Variants in PPP1R13L observed in about 807,000 individuals in gnomAD.
PPP1R13L encodes relA-associated inhibitor.
In PPP1R13L, 50 loss-of-function variants were observed where a neutral mutation model predicts 80.9. That is an observed-to-expected ratio of 0.62 (90% confidence interval 0.49 to 0.78). PPP1R13L has a LOEUF of 0.78. Ranked by LOEUF, PPP1R13L falls within the 30% of genes least tolerant of loss-of-function variation. PPP1R13L has a pLI of 0.00. For synonymous variants in PPP1R13L, 602 were observed against 534.3 expected (o/e 1.13, Z -1.75); for missense variants, 1,200 against 1,205.9 (o/e 1.00, Z 0.07).
At chr19:45,400,158 G>A (rs1300380964) in intron 1 of PPP1R13L, among the ~76,000 whole-genome samples, 1 of 151,924 alleles carries the variant, frequency 6.6e-6, no homozygotes, top group African/African-American at 2.4e-5. Context: ...CCAGATTAGA[G>A]GGGTCCTAGA....
At chr19:45,399,541 G>A (rs1207982423) in intron 1 of PPP1R13L, among the ~76,000 whole-genome samples, 1 of 150,502 alleles carries the variant, frequency 6.6e-6, no homozygotes, top group Non-Finnish European at 1.5e-5. Flanking sequence ...GGAGAACGGC[G>A]TGAACCCGGG....
In PPP1R13L at chr19:45,405,028, C is replaced by G. The variant is rs1030845365; in HGVS notation, c.-51G>C. The stretch of plus-strand genomic sequence containing the variant: ...CCGGGCAGATCCTGGCACCTGGGGG[C>G]TTCCTCCAGCTCGGGCTCCGGCTTG... On this transcript the variant is annotated 5_prime_UTR_variant, in exon 1 of 13. Coordinates refer to ENST00000360957, the MANE Select transcript of PPP1R13L (RefSeq NM_006663.4). 14 of 985,898 alleles carry G rather than the reference C, an allele frequency of 1.4e-5. No individual in the cohort carries two copies. The highest frequency in any genetic ancestry group is 1.7e-5 in the Non-Finnish European group (14 of 830,116). 61.1% of individuals were successfully genotyped at this position (985,898 alleles called of 1,614,324 possible). A position where few individuals can be genotyped will look rare whatever the true frequency, so the allele number is the denominator to read the frequency against.
chr19:45,395,913 A>C, intron 6 of PPP1R13L, 27 bp from the exon 7 acceptor site: 2 of 1,536,516 alleles, frequency 1.3e-6, no homozygotes, highest in Non-Finnish European at 1.8e-6. Flanking sequence ...GGAGAAGGGG[A>C]TCGGGTGAGA....
Position 45,396,172 on chromosome 19 carries a change from C to T in PPP1R13L, c.899G>A (p.Gly300Asp). 6.2e-7 allele frequency: 1 copy of T among 1,606,706 alleles called. No individual in the cohort carries two copies. Among genetic ancestry groups the T allele is most frequent in the Non-Finnish European group, 8.5e-7 (1 of 1,177,750 alleles). ...CCCCAGGCGTCGCCTCCTCACCTTG[C>T]CGGTGCCCCCCAGTCCATCCAGGCT... ...ESSLDGLGGT[G>D]KDNLTSATLP... Residue 300 changes from glycine (G) to aspartate (D), a missense_variant, in exon 6 of 13, where the codon GGC (glycine) becomes GAC (aspartate). Around this residue, in one of 5 missense-constraint regions of PPP1R13L, gnomAD observed 764 missense variants for 714.5 expected, o/e 1.07. Transcript: ENST00000360957. The surrounding 1 kb of genome is among the most constrained non-coding windows in gnomAD (Gnocchi z 5.3).
upstream of PPP1R13L, among the ~76,000 whole-genome samples, chr19:45,405,424 G>C (rs1568565450): frequency 6.6e-6 from 1 of 152,162 alleles, no homozygotes. Context: ...TCTCCCCGTC[G>C]ATAAAAAGCG....
At position 45,382,655 on chromosome 19, in the gene PPP1R13L, C is replaced by G. The variant is rs745772568; in HGVS notation, c.2320G>C (p.Gly774Arg). Residue 774 changes from glycine to arginine, a missense_variant, in exon 12 of 13, where the codon GGG becomes CGG. By Grantham distance (125) the Gly-to-Arg change is moderately radical. Coordinates refer to ENST00000360957, the MANE Select transcript of PPP1R13L (RefSeq NM_006663.4). Reference sequence around the variant, plus strand: ...CCCTCGCGGAAGGACAGCTCGTCCCCGAACTCGGCGCTGTAGTCCCAGAGA... The same window carrying G: ...CCCTCGCGGAAGGACAGCTCGTCCCGGAACTCGGCGCTGTAGTCCCAGAGA... ...YALWDYSAEF[G>R]DELSFREGES... 102 of 1,613,858 alleles carry G rather than the reference C, an allele frequency of 6.3e-5. No homozygotes were observed. The highest frequency in any genetic ancestry group is 8.0e-5 in the Non-Finnish European group (94 of 1,180,048).
At chr19:45,402,734 C>T (rs1412133658) in intron 1 of PPP1R13L, among the ~76,000 whole-genome samples, 2 of 152,220 alleles carry the variant, frequency 1.3e-5, no homozygotes, top group Non-Finnish European at 2.9e-5. Context: ...GCTCTAGCTC[C>T]GAGCTCTCCC....
Position 45,396,823 on chromosome 19 carries a change from G to A in PPP1R13L, c.434C>T (p.Ala145Val). 6.8e-7 allele frequency: 1 copy of A among 1,466,004 alleles called. No homozygotes were observed. Among genetic ancestry groups the A allele is most frequent in the East Asian group, 2.9e-5 (1 of 34,912 alleles). The allele number at this position is 1,466,004 out of a possible 1,614,324, so 90.8% of individuals were successfully genotyped here. A position where few individuals can be genotyped will look rare whatever the true frequency, so the allele number is the denominator to read the frequency against. The change falls in exon 4 of 13, where the codon GCC becomes GTC. Residue 145 changes from alanine to valine, a missense_variant. Ala to Val is a moderately conservative substitution (Grantham distance 64). Coordinates refer to ENST00000360957, the MANE Select transcript of PPP1R13L (RefSeq NM_006663.4). This position sits in a 1 kb window ranked among gnomAD's most constrained non-coding sequence, Gnocchi z 5.3. Reference sequence around the variant, plus strand: ...GAGGGAGCTGCCTGCGCCATCGAAGGCGCGGGGCCGGGGCGAGGTCGCGCG... The same window carrying A: ...GAGGGAGCTGCCTGCGCCATCGAAGACGCGGGGCCGGGGCGAGGTCGCGCG... Reference protein sequence around the residue: ...LDRATSPRPRAFDGAGSSLGR... With the variant: ...LDRATSPRPRVFDGAGSSLGR...
intron 1 of PPP1R13L, chr19:45,402,203 T>A (rs1006885589): frequency 6.6e-6 from 1 of 152,238 alleles, no homozygotes; most frequent in Admixed American, 6.5e-5. Context: ...AATAGATAAA[T>A]GAGCAAGTCT....
At chr19:45,385,491 G>A (rs1417424487) in intron 11 of PPP1R13L, 71 bp downstream of exon 11, 6 of 1,452,024 alleles carry the variant, frequency 4.1e-6, no homozygotes, top group Non-Finnish European at 5.6e-6. Context: ...TCCCTAGTAG[G>A]GGGTAGTTGC....
At chr19:45,394,893 A>G (rs1973049811) in intron 7 of PPP1R13L, 1 of 120,950 alleles carries the variant, frequency 8.3e-6, no homozygotes, top group Non-Finnish European at 1.6e-5. Context: ...CCCGTCACCC[A>G]GGATGGACTG....
chr19:45,385,526 G>T (rs766884371), intron 11 of PPP1R13L, 36 bp downstream of exon 11: 11 of 1,580,524 alleles, frequency 7.0e-6, no homozygotes, highest in Non-Finnish European at 8.6e-6. Flanking sequence ...CTGCGCACCC[G>T]CCAGGTACCC....
rs1237394114 is a variant in PPP1R13L, at chr19:45,396,961, C to A, written c.296G>T (p.Arg99Leu). 2.1e-6 allele frequency: 3 copies of A among 1,411,462 alleles called. No individual in the cohort carries two copies. The highest frequency in any genetic ancestry group is 1.6e-5 in the South Asian group (1 of 62,192). The allele number at this position is 1,411,462 out of a possible 1,614,324, so 87.4% of individuals were successfully genotyped here. A position where few individuals can be genotyped will look rare whatever the true frequency, so the allele number is the denominator to read the frequency against. ...ATDGADTPFGRSESAPTLHPY... is the reference protein window; with the variant it reads ...ATDGADTPFGLSESAPTLHPY... The stretch of plus-strand genomic sequence containing the variant: ...GTGTAGGGTTGGGGCACTCTCTGAT[C>A]GTCCGAACGGGGTGTCTGCGCCGTC... The change falls in exon 4 of 13, where the codon CGA becomes CTA. Residue 99 changes from arginine to leucine, a missense_variant. Coordinates refer to ENST00000360957, the MANE Select transcript of PPP1R13L (RefSeq NM_006663.4). This position sits in a 1 kb window ranked among gnomAD's most constrained non-coding sequence, Gnocchi z 5.3.
In PPP1R13L at chr19:45,396,825, GC is replaced by G; in HGVS notation, c.431del (p.Arg144ProfsTer80). The G allele has an allele frequency of 6.8e-7, 1 of 1,470,312 alleles. No homozygotes were observed. Among genetic ancestry groups the G allele is most frequent in the Admixed American group, 2.6e-5 (1 of 38,696 alleles). The allele number at this position is 1,470,312 out of a possible 1,614,324, so 91.1% of individuals were successfully genotyped here. The part of the protein sequence containing the change: ...SLDRATSPRP[R>X]AFDGAGSSLG... ...GGGAGCTGCCTGCGCCATCGAAGGC[GC>G]GGGGCCGGGGCGAGGTCGCGCGGTC... On this transcript the variant is annotated frameshift_variant, in exon 4 of 13. Transcript: ENST00000360957. LOFTEE classifies it high-confidence loss of function. The surrounding 1 kb of genome is among the most constrained non-coding windows in gnomAD (Gnocchi z 5.3).
At chr19:45,382,821 G>T (rs1402761558) in intron 11 of PPP1R13L, 95 bp from the exon 12 acceptor site, 5 of 1,145,732 alleles carry the variant, frequency 4.4e-6, no homozygotes, top group African/African-American at 3.1e-5. Flanking sequence ...GGAATTTGGC[G>T]CCTGTCCCAG....
At chr19:45,381,532 C>T (rs1380569857) in intron 12 of PPP1R13L, among the ~76,000 whole-genome samples, 2 of 152,114 alleles carry the variant, frequency 1.3e-5, no homozygotes, top group Admixed American at 1.3e-4. Context: ...AACCTCTCCA[C>T]CAATACAACC....
rs751870243 is a variant in PPP1R13L, at chr19:45,382,627, T to A, written c.2348A>T (p.Glu783Val). ...FGDELSFREG[E>V]SVTVLRRDGP... Reference sequence around the variant, plus strand: ...GTCCCTCCGCAGCACGGTGACCGACTCGCCCTCGCGGAAGGACAGCTCGTC... The same window carrying A: ...GTCCCTCCGCAGCACGGTGACCGACACGCCCTCGCGGAAGGACAGCTCGTC... The change falls in exon 12 of 13, where the codon GAG (glutamate) becomes GTG (valine). Residue 783 changes from glutamate (E) to valine (V), a missense_variant. Physicochemically the swap from Glu to Val is moderately radical, Grantham distance 121 (BLOSUM62 -2). Coordinates refer to ENST00000360957, the MANE Select transcript of PPP1R13L (RefSeq NM_006663.4). The A allele has an allele frequency of 6.2e-7, 1 of 1,613,778 alleles. No individual in the cohort carries two copies. The highest frequency in any genetic ancestry group is 2.2e-5 in the East Asian group (1 of 44,886).
At chr19:45,397,138 G>T in intron 3 of PPP1R13L, 80 bp from the exon 4 acceptor site, 2 of 1,139,872 alleles carry the variant, frequency 1.8e-6, no homozygotes, top group Non-Finnish European at 2.2e-6. Flanking sequence ...GGGGTGTCAA[G>T]AGAGATCACT....
chr19:45,400,399 T>A (rs564453585), intron 1 of PPP1R13L, among the ~76,000 whole-genome samples: 1 of 151,630 alleles, frequency 6.6e-6, no homozygotes, highest in East Asian at 1.9e-4. Flanking sequence ...CCCTGCTGCA[T>A]CGACCACTTA....
Sources: allele counts gnomAD v4.1 joint callset (sites outside exome capture counted in the v4.1 genomes callset), GRCh38; gene constraint gnomAD v4.1.1; regional missense constraint gnomAD v4.1.1; non-coding constraint Gnocchi (gnomAD v3.1); transcripts MANE v1.5; gene names NCBI Gene and HGNC (gene_info 2026-07-23, HGNC 2026-07-21).